The following CFAP69 variants were observed in gnomAD, a reference collection of about 807,000 sequenced individuals.
CFAP69 encodes cilia and flagella associated protein 69.
Under a neutral mutation model 123.0 loss-of-function variants are expected in CFAP69, and 92 were observed. The observed-to-expected ratio is 0.75, with a 90% confidence interval of 0.63 to 0.89. CFAP69 has a LOEUF of 0.89. CFAP69 is among the 40% of genes least tolerant of loss of function. The pLI is 0.00. For missense variants in CFAP69, 1,067 were observed against 1,096.9 expected (o/e 0.97, Z 0.39); for synonymous variants, 380 against 364.3 (o/e 1.04, Z -0.49).
In CFAP69 at chr7:90,255,554, T is replaced by C; in HGVS notation, c.180+72T>C. The C allele has an allele frequency of 5.3e-6, 6 of 1,134,734 alleles. No homozygotes were observed. The South Asian group carries it at 7.7e-5, about 15-fold the overall frequency. The allele number at this position is 1,134,734 out of a possible 1,614,324, so 70.3% of individuals were successfully genotyped here. On this transcript the variant is annotated intron_variant, in intron 2 of 22. Transcript: ENST00000389297. The stretch of plus-strand genomic sequence containing the variant: ...CTATTTCCCTGAAAGGTAACATATA[T>C]TCCTTCAAATGTAAGTCTCATTTAT...
chr7:90,266,598 GTGTCAACTTATTCTT>G (rs369118041), intron 5 of CFAP69, among the ~76,000 whole-genome samples: 1 of 152,142 alleles, frequency 6.6e-6, no homozygotes, highest in East Asian at 1.9e-4. Flanking sequence ...TTTTTACTGA[GTGTCAACTTATTCTT>G]TGCTTAATGA....
At chr7:90,262,163 A>G in intron 4 of CFAP69, 107 bp downstream of exon 4, 1 of 660,878 alleles carries the variant, frequency 1.5e-6, no homozygotes, top group Non-Finnish European at 2.5e-6. Context: ...TTGCTACAGA[A>G]CTCAGAAAAC....
At chr7:90,250,421 C>A (rs1193573639) in intron 1 of CFAP69, among the ~76,000 whole-genome samples, 1 of 152,110 alleles carries the variant, frequency 6.6e-6, no homozygotes, top group African/African-American at 2.4e-5. Context: ...GATTTGAAGA[C>A]TAATTGAGAT....
intron 4 of CFAP69, among the ~76,000 whole-genome samples, chr7:90,263,497 T>C (rs1798617045): frequency 6.6e-6 from 1 of 152,200 alleles, no homozygotes; most frequent in Non-Finnish European, 1.5e-5. Context: ...CTTTATCTTA[T>C]AGATTGTGTC....
intron 20 of CFAP69, 49 bp downstream of exon 20, chr7:90,307,147 TG>T: frequency 7.2e-7 from 1 of 1,387,624 alleles, no homozygotes; most frequent in Non-Finnish European, 1.0e-6. Context: ...GGTTGGTTAA[TG>T]GGCACAAAAA....
chr7:90,272,654 T>C (rs376880707), intron 8 of CFAP69, among the ~76,000 whole-genome samples: 60 of 152,274 alleles, frequency 3.9e-4, no homozygotes, highest in East Asian at 2.9e-3. Context: ...TGGTTTCATG[T>C]GCAGCTTTAT....
At chr7:90,304,372 T>C in intron 18 of CFAP69, 1 of 1,226,040 alleles carries the variant, frequency 8.2e-7, no homozygotes, top group Non-Finnish European at 1.0e-6. Context: ...GTTTAGATGA[T>C]TAAGCTTAAA....
At chr7:90,321,933 AG>A in the CFAP69 span, among the ~76,000 whole-genome samples, 1 of 152,210 alleles carries the variant, frequency 6.6e-6, no homozygotes, top group Non-Finnish European at 1.5e-5. Context: ...CCTATAGCCC[AG>A]CAGCGATGAT....
intron 4 of CFAP69, among the ~76,000 whole-genome samples, chr7:90,262,626 G>T (rs1350473095): frequency 2.6e-5 from 4 of 151,990 alleles, no homozygotes; most frequent in Non-Finnish European, 1.5e-5. Context: ...TGCTTCCTTG[G>T]TGCCACATAG....
chr7:90,248,577 A>G (rs1346802228), intron 1 of CFAP69, among the ~76,000 whole-genome samples: 1 of 152,234 alleles, frequency 6.6e-6, no homozygotes, highest in Non-Finnish European at 1.5e-5. Context: ...GAGTAAAGTT[A>G]TTAGTAAATA....
Position 90,306,343 on chromosome 7 carries a change from G to T in CFAP69, c.2266-558G>T, listed in dbSNP as rs373253515. Among the ~76,000 whole-genome samples the T allele has an allele frequency of 9.3e-4, 142 of 152,138 alleles. 1 individual carries two copies. In the East Asian group the frequency reaches 0.024, roughly 26 times the overall value. On this transcript the variant is annotated intron_variant, in intron 19 of 22. Coordinates refer to ENST00000389297, the MANE Select transcript of CFAP69 (RefSeq NM_001039706.3). Reference sequence around the variant, plus strand: ...ATACACTCAAGAACGTTAACTTCTAGACAGCCTAGAATATGAGATGGAGCC... The same window carrying T: ...ATACACTCAAGAACGTTAACTTCTATACAGCCTAGAATATGAGATGGAGCC...
chr7:90,277,097 A>T lies in CFAP69; in HGVS notation c.1009A>T (p.Ile337Leu), dbSNP rs1196944858. 1 of 1,575,196 alleles carries T rather than the reference A, an allele frequency of 6.3e-7. No homozygotes were observed. The highest frequency in any genetic ancestry group is 8.6e-7 in the Non-Finnish European group (1 of 1,160,188). ...GGAATGTGGCTTTACCAAGGATTTG[A>T]TACTGTTTGCCACCTTTAATGAAGG... Reference protein sequence around the residue: ...MIECGFTKDLILFATFNEVKS... With the variant: ...MIECGFTKDLLLFATFNEVKS... Residue 337 changes from isoleucine (I) to leucine (L), a missense_variant, in exon 10 of 23, where the codon ATA (isoleucine) becomes TTA (leucine). Transcript: ENST00000389297.
Position 90,274,654 on chromosome 7 carries a change from AC to A in CFAP69, c.984+547del, listed in dbSNP as rs112148425. 8.7e-3 allele frequency among the ~76,000 whole-genome samples: 1,322 copies of A among 152,248 alleles called. 22 individuals are homozygous for A. Among genetic ancestry groups the A allele is most frequent in the African/African-American group, 0.028 (1,181 of 41,534 alleles). On this transcript the variant is annotated intron_variant, in intron 9 of 22. Transcript: ENST00000389297. ...GAGGTTCCATGGTGTAATGGTGAGC[AC>A]CCTGGACTCTGATGAGAAGTATCCA...
chr7:90,310,909 A>G lies in CFAP69; in HGVS notation c.*671A>G, dbSNP rs1413894193. On this transcript the variant is annotated 3_prime_UTR_variant, in exon 23 of 23. Transcript: ENST00000389297. ...GTATATATGAATATTGGGCAGCAAG[A>G]TAAACAATAACTCTGCAACAAGTAT... 1 of 152,214 alleles carries G rather than the reference A, an allele frequency of 6.6e-6. No individual in the cohort carries two copies. Among genetic ancestry groups the G allele is most frequent in the East Asian group, 1.9e-4 (1 of 5,206 alleles). 9.4% of individuals were successfully genotyped at this position (152,214 alleles called of 1,614,324 possible). A position where few individuals can be genotyped will look rare whatever the true frequency, so the allele number is the denominator to read the frequency against.
At chr7:90,288,658 T>A (rs1438410813) in intron 15 of CFAP69, among the ~76,000 whole-genome samples, 1 of 151,924 alleles carries the variant, frequency 6.6e-6, no homozygotes, top group Non-Finnish European at 1.5e-5. Flanking sequence ...GACTACAGAA[T>A]AAAAGATAAA....
chr7:90,286,377 G>C lies in CFAP69; in HGVS notation c.1634G>C (p.Cys545Ser). The change falls in exon 14 of 23, where the codon TGT becomes TCT. Residue 545 changes from cysteine (C) to serine (S), a missense_variant. Coordinates refer to ENST00000389297, the MANE Select transcript of CFAP69 (RefSeq NM_001039706.3). ...SDILLILSGL[C>S]ENHIQRKEIF... Reference sequence around the variant, plus strand: ...ATATTACTTATCCTATCTGGCCTTTGTGAGAATCACATTCAAAGGAAGGTA... The same window carrying C: ...ATATTACTTATCCTATCTGGCCTTTCTGAGAATCACATTCAAAGGAAGGTA... The C allele has an allele frequency of 1.2e-6, 2 of 1,611,992 alleles. No homozygotes were observed. Among genetic ancestry groups the C allele is most frequent in the Non-Finnish European group, 1.7e-6 (2 of 1,179,316 alleles).
Position 90,310,243 on chromosome 7 carries a change from C to A in CFAP69, c.*5C>A. ...AAAAAGAGTATTCCTACGTAATATA[C>A]TATAGAGACTTTTTGAAATAAAGTC... On this transcript the variant is annotated 3_prime_UTR_variant, in exon 23 of 23. Transcript: ENST00000389297. 6.3e-7 allele frequency: 1 copy of A among 1,581,634 alleles called. No homozygotes were observed. The highest frequency in any genetic ancestry group is 1.2e-5 in the South Asian group (1 of 84,512).
chr7:90,261,594 T>C (rs1798343180), intron 3 of CFAP69, among the ~76,000 whole-genome samples: 2 of 152,130 alleles, frequency 1.3e-5, no homozygotes, highest in Admixed American at 6.6e-5. Context: ...AGATGAAGGG[T>C]ATAATTGAGC....
intron 15 of CFAP69, among the ~76,000 whole-genome samples, chr7:90,296,351 G>A (rs1005556129): frequency 5.3e-5 from 8 of 151,838 alleles, no homozygotes; most frequent in African/African-American, 9.7e-5. Flanking sequence ...TTGTTTAGAC[G>A]GGGTCTCATT....
Sources: allele counts gnomAD v4.1 joint callset (sites outside exome capture counted in the v4.1 genomes callset), GRCh38; gene constraint gnomAD v4.1.1; transcripts MANE v1.5; gene names NCBI Gene and HGNC (gene_info 2026-07-23, HGNC 2026-07-21).